TLR3: variants seen among roughly 807,000 people sequenced by gnomAD.
The protein encoded by TLR3 is toll-like receptor 3.
Under a neutral mutation model 66.4 loss-of-function variants are expected in TLR3, and 43 were observed. The ratio of observed to expected loss-of-function variants is 0.65; its 90% CI spans 0.51 to 0.83. The LOEUF is 0.83. Ranked by LOEUF, TLR3 falls within the 40% of genes least tolerant of loss-of-function variation. The pLI is 0.00. For missense variants in TLR3, 982 were observed against 1,044.6 expected (o/e 0.94, Z 0.83); for synonymous variants, 397 against 397.2 (o/e 1.00, Z 0.01).
rs2099302512 is a variant in TLR3, at chr4:186,076,693, C to T, written c.74C>T (p.Thr25Ile). Residue 25 changes from threonine (T) to isoleucine (I), a missense_variant, in exon 2 of 5, where the codon ACC becomes ATC. Thr to Ile is a moderately conservative substitution (Grantham distance 89). Coordinates refer to ENST00000296795, the MANE Select transcript of TLR3 (RefSeq NM_003265.3). ...LPFGMLCASS[T>I]TKCTVSHEVA... is the part of the protein sequence containing the mutation. ...TTTGGGATGCTGTGTGCATCCTCCACCACCAAGTGCACTGTTAGCCATGAA... is the reference window on the plus strand; with the variant it reads ...TTTGGGATGCTGTGTGCATCCTCCATCACCAAGTGCACTGTTAGCCATGAA... The T allele has an allele frequency of 6.2e-7, 1 of 1,614,186 alleles. No individual in the cohort carries two copies. Among genetic ancestry groups the T allele is most frequent in the Non-Finnish European group, 8.5e-7 (1 of 1,180,040 alleles).
chr4:186,070,097 T>A (rs571770333), intron 1 of TLR3, among the ~76,000 whole-genome samples: 1 of 152,316 alleles, frequency 6.6e-6, no homozygotes, highest in African/African-American at 2.4e-5. Flanking sequence ...TCACAAAATA[T>A]TTCCAAAATT....
At chr4:186,069,901 A>G (rs539316099) in intron 1 of TLR3, among the ~76,000 whole-genome samples, 61 of 152,338 alleles carry the variant, frequency 4.0e-4, no homozygotes, top group African/African-American at 1.5e-3. Flanking sequence ...TTTACAGATG[A>G]TTACGTGCTG....
chr4:186,073,228 G>A (rs2099301816), intron 1 of TLR3, among the ~76,000 whole-genome samples: 2 of 152,000 alleles, frequency 1.3e-5, no homozygotes, highest in Admixed American at 1.3e-4. Flanking sequence ...TTTAAAAAAT[G>A]GTCTGACTGG....
chr4:186,070,084 C>T (rs2099301178), intron 1 of TLR3, among the ~76,000 whole-genome samples: 1 of 152,158 alleles, frequency 6.6e-6, no homozygotes, highest in Non-Finnish European at 1.5e-5. Context: ...ATTCCATGTG[C>T]CCTCACAAAA....
chr4:186,082,224 CAAAAAAAAAAAAAAAAA>C (rs549369747), intron 3 of TLR3, 79 bp from the exon 4 acceptor site: 5 of 381,644 alleles, frequency 1.3e-5, no homozygotes, highest in Non-Finnish European at 2.1e-5. Context: ...GACTCCGTCT[CAAAAAAAAAAAAAAAAA>C]AAAAAAAAAA....
chr4:186,084,632 T>G lies in TLR3; in HGVS notation c.2487-13T>G. The G allele has an allele frequency of 6.4e-7, 1 of 1,553,506 alleles. No individual in the cohort carries two copies. ...AACCGTATATTAATTCTTCAATACATTTTTTTACTTAGATTCAAGGTACAT... is the reference window on the plus strand; with the variant it reads ...AACCGTATATTAATTCTTCAATACAGTTTTTTACTTAGATTCAAGGTACAT... On this transcript the variant is annotated splice_polypyrimidine_tract_variant and intron_variant, in intron 4 of 4. Coordinates refer to ENST00000296795, the MANE Select transcript of TLR3 (RefSeq NM_003265.3).
chr4:186,083,054 A>C lies in TLR3; in HGVS notation c.1368A>C (p.Glu456Asp). The stretch of plus-strand genomic sequence containing the variant: ...CAGGCCAGGAATGGAGAGGTCTAGA[A>C]AATATTTTCGAAATCTATCTTTCCT... ...ELTGQEWRGL[E>D]NIFEIYLSYN... Residue 456 changes from glutamate (E) to aspartate (D), a missense_variant, in exon 4 of 5, where the codon GAA becomes GAC. Around this residue, in one of 3 missense-constraint regions of TLR3, gnomAD observed 666 missense variants for 709.0 expected, o/e 0.94. Coordinates refer to ENST00000296795, the MANE Select transcript of TLR3 (RefSeq NM_003265.3). This position sits in a 1 kb window ranked among gnomAD's most constrained non-coding sequence, Gnocchi z 4.0. 6.2e-7 allele frequency: 1 copy of C among 1,614,190 alleles called. No homozygotes were observed. The highest frequency in any genetic ancestry group is 8.5e-7 in the Non-Finnish European group (1 of 1,180,048).
intron 1 of TLR3, among the ~76,000 whole-genome samples, chr4:186,075,333 T>C (rs1339082891): frequency 6.6e-6 from 1 of 152,174 alleles, no homozygotes; most frequent in Non-Finnish European, 1.5e-5. Context: ...TGTAAAATTG[T>C]GATTGAGGCT....
In TLR3 at chr4:186,083,754, C is replaced by T. The variant is rs540959112; in HGVS notation, c.2068C>T (p.Leu690Phe). 6.2e-7 allele frequency: 1 copy of T among 1,613,828 alleles called. No homozygotes were observed. The highest frequency in any genetic ancestry group is 8.5e-7 in the Non-Finnish European group (1 of 1,179,918). ...TCACTATCATGGGTTCCCAGTGAGA[C>T]TTTTTGATACATCATCTTGCAAAGA... ...PPHYHGFPVR[L>F]FDTSSCKDSA... The change falls in exon 4 of 5, where the codon CTT becomes TTT. Residue 690 changes from leucine (L) to phenylalanine (F), a missense_variant. This residue lies in a region of TLR3 where 666 missense variants were observed against 709.0 expected (regional missense o/e 0.94). Transcript: ENST00000296795. The surrounding 1 kb of genome is among the most constrained non-coding windows in gnomAD (Gnocchi z 4.0).
intron 3 of TLR3, among the ~76,000 whole-genome samples, chr4:186,079,454 A>G (rs2099303048): frequency 6.6e-6 from 1 of 152,156 alleles, no homozygotes; most frequent in Admixed American, 6.5e-5. Context: ...GTTATCAGGC[A>G]AGTTATTCAA....
At position 186,083,399 on chromosome 4, in the gene TLR3, C is replaced by T. The variant is rs747344213; in HGVS notation, c.1713C>T (p.Ser571=). 1.9e-6 allele frequency: 3 copies of T among 1,614,160 alleles called. No individual in the cohort carries two copies. The highest frequency in any genetic ancestry group is 1.3e-5 in the African/African-American group (1 of 75,036). Residue 571 remains serine (S), a synonymous_variant, in exon 4 of 5, where the codon TCC becomes TCT. Coordinates refer to ENST00000296795, the MANE Select transcript of TLR3 (RefSeq NM_003265.3). This position sits in a 1 kb window ranked among gnomAD's most constrained non-coding sequence, Gnocchi z 4.0. ...ACCTCCACATCCTTAACTTGGAGTCCAACGGCTTTGACGAGATCCCAGTTG... is the reference window on the plus strand; with the variant it reads ...ACCTCCACATCCTTAACTTGGAGTCTAACGGCTTTGACGAGATCCCAGTTG... The part of the protein sequence containing the change: ...LSHLHILNLE[S]NGFDEIPVEV...
chr4:186,069,243 A>G lies in TLR3; in HGVS notation c.-13A>G, dbSNP rs1026525491. ...AAGAAAAAAGGAAAGGCTAGCAGTC[A>G]TCCAAGTAAGTGAAGGTGTTCATTT... On this transcript the variant is annotated 5_prime_UTR_variant, in exon 1 of 5. Transcript: ENST00000296795. 4 of 152,234 alleles carry G rather than the reference A, an allele frequency of 2.6e-5. No homozygotes were observed. The highest frequency in any genetic ancestry group is 4.4e-5 in the Non-Finnish European group (3 of 68,048). The allele number at this position is 152,234 out of a possible 1,614,324, so 9.4% of individuals were successfully genotyped here.
chr4:186,074,001 C>T (rs981065241), intron 1 of TLR3, among the ~76,000 whole-genome samples: 1 of 152,038 alleles, frequency 6.6e-6, no homozygotes, highest in African/African-American at 2.4e-5. Flanking sequence ...AAATGAAAAC[C>T]ATAATTAGCT....
intron 1 of TLR3, among the ~76,000 whole-genome samples, chr4:186,070,510 G>A (rs1217903687): frequency 3.3e-5 from 5 of 151,568 alleles, no homozygotes; most frequent in Admixed American, 2.6e-4. Flanking sequence ...TCAGTGTCAC[G>A]AGTAGCTGGG....
At position 186,076,930 on chromosome 4, in the gene TLR3, T is replaced by A. The variant is rs2099302547; in HGVS notation, c.311T>A (p.Leu104Ter). 1 of 1,614,106 alleles carries A rather than the reference T, an allele frequency of 6.2e-7. No individual in the cohort carries two copies. Among genetic ancestry groups the A allele is most frequent in the African/African-American group, 1.3e-5 (1 of 74,934 alleles). Reference sequence around the variant, plus strand: ...CAGAAACTTCCCATGTTAAAAGTTTTGAACCTCCAGCACAATGAGCTATCT... The same window carrying A: ...CAGAAACTTCCCATGTTAAAAGTTTAGAACCTCCAGCACAATGAGCTATCT... ...LCQKLPMLKV[L>*]NLQHNELSQL... The change falls in exon 2 of 5, where the codon TTG (leucine) becomes TAG (stop). Residue 104 changes from leucine to a stop codon, truncating the protein, a stop_gained. Coordinates refer to ENST00000296795, the MANE Select transcript of TLR3 (RefSeq NM_003265.3). LOFTEE classifies it high-confidence loss of function.
rs1339181751 is a variant in TLR3, at chr4:186,084,191, A to C, written c.2486+19A>C. ...GCAAAAGGTAGGTAAACATTGTGAAATTTTAAGTGTGTACTTGCTTTTCAA... is the reference window on the plus strand; with the variant it reads ...GCAAAAGGTAGGTAAACATTGTGAACTTTTAAGTGTGTACTTGCTTTTCAA... On this transcript the variant is annotated intron_variant, in intron 4 of 4. Transcript: ENST00000296795. The C allele has an allele frequency of 1.2e-6, 2 of 1,610,358 alleles. No individual in the cohort carries two copies. Among genetic ancestry groups the C allele is most frequent in the Admixed American group, 3.3e-5 (2 of 59,832 alleles).
chr4:186,084,605 A>G, intron 4 of TLR3, 40 bp from the exon 5 acceptor site: 1 of 1,377,602 alleles, frequency 7.3e-7, no homozygotes. Flanking sequence ...CTGGCTGTTA[A>G]AAACCGTATA....
chr4:186,073,431 A>G (rs1438989823), intron 1 of TLR3, among the ~76,000 whole-genome samples: 1 of 152,066 alleles, frequency 6.6e-6, no homozygotes, highest in Non-Finnish European at 1.5e-5. Context: ...GAGGCAGGAG[A>G]ATCACTTGAA....
chr4:186,073,984 G>A (rs1561369417), intron 1 of TLR3, among the ~76,000 whole-genome samples: 3 of 152,192 alleles, frequency 2.0e-5, no homozygotes, highest in African/African-American at 7.2e-5. Flanking sequence ...AGTCGGCAGG[G>A]AAATGCAAAT....
Sources: allele counts gnomAD v4.1 joint callset (sites outside exome capture counted in the v4.1 genomes callset), GRCh38; gene constraint gnomAD v4.1.1; regional missense constraint gnomAD v4.1.1; non-coding constraint Gnocchi (gnomAD v3.1); transcripts MANE v1.5; gene names NCBI Gene and HGNC (gene_info 2026-07-23, HGNC 2026-07-21).